PCDHA1: variants seen among roughly 807,000 people sequenced by gnomAD.
PCDHA1 encodes the protein protocadherin alpha 1.
Under a neutral mutation model 61.3 loss-of-function variants are expected in PCDHA1, and 42 were observed. That is an observed-to-expected ratio of 0.69 (90% CI 0.54 to 0.89). The LOEUF (loss-of-function observed/expected upper bound fraction) is 0.89, where lower values mean the gene tolerates loss of function less well. Among genes scored for constraint, PCDHA1 ranks in the 40% least tolerant of loss-of-function variants. The probability of loss-of-function intolerance (pLI) is 0.00; values close to 1 mark genes in which losing one functional copy is unlikely to be tolerated. For missense variants in PCDHA1, 1,256 were observed against 1,235.3 expected (o/e 1.02, Z -0.25); for synonymous variants, 610 against 553.8 (o/e 1.10, Z -1.43).
At chr5:140,995,592 A>G (rs2097690478) in intron 3 of PCDHA1, among the ~76,000 whole-genome samples, 1 of 152,212 alleles carries the variant, frequency 6.6e-6, no homozygotes, top group East Asian at 1.9e-4. Context: ...CTTTTAACTT[A>G]GTGTTTTTCT....
rs143527239 is a variant in PCDHA1, at chr5:140,842,140, C to G, written c.2394+53456C>G. The G allele has an allele frequency of 5.6e-4, 901 of 1,613,016 alleles. 21 individuals are homozygous for G. Among genetic ancestry groups the G allele is most frequent in the Admixed American group, 4.6e-3 (273 of 59,984 alleles). On this transcript the variant is annotated intron_variant, in intron 1 of 3. Coordinates refer to ENST00000504120, the MANE Select transcript of PCDHA1 (RefSeq NM_018900.4). ...ATGCTTCTGATCCGGATGAAGGAGC[C>G]AATGGGGCAATTTCATATTCTTTTA...
chr5:140,850,195 C>A, intron 1 of PCDHA1: 1 of 1,593,610 alleles, frequency 6.3e-7, no homozygotes, highest in South Asian at 1.1e-5. Context: ...GCGCTGCTGA[C>A]ACCTCGGATG....
At chr5:140,868,961 A>G in intron 1 of PCDHA1, 1 of 1,418,552 alleles carries the variant, frequency 7.0e-7, no homozygotes, top group Non-Finnish European at 9.5e-7. Context: ...ACTCCCATAC[A>G]AAGGAACTCC....
At position 140,830,572 on chromosome 5, in the gene PCDHA1, T is replaced by C. The variant is rs1012149476; in HGVS notation, c.2394+41888T>C. 7 of 871,722 alleles carry C rather than the reference T, an allele frequency of 8.0e-6. No individual in the cohort carries two copies. In the African/African-American group the frequency reaches 1.2e-4, roughly 15 times the overall value. 54.0% of individuals were successfully genotyped at this position (871,722 alleles called of 1,614,324 possible). On this transcript the variant is annotated intron_variant, in intron 1 of 3. Coordinates refer to ENST00000504120, the MANE Select transcript of PCDHA1 (RefSeq NM_018900.4). The stretch of plus-strand genomic sequence containing the variant: ...TATTTGTCTTCTATATTTCTGTTTT[T>C]AATTTTTAATTAATTTTACAAAATT...
chr5:140,903,192 G>A (rs2070083529), intron 1 of PCDHA1, among the ~76,000 whole-genome samples: 1 of 152,160 alleles, frequency 6.6e-6, no homozygotes, highest in South Asian at 2.1e-4. Flanking sequence ...GTATAAAAGA[G>A]TGTCCTTTTC....
intron 1 of PCDHA1, among the ~76,000 whole-genome samples, chr5:140,799,450 T>G (rs1282139670): frequency 6.6e-6 from 1 of 152,088 alleles, no homozygotes; most frequent in African/African-American, 2.4e-5. Flanking sequence ...AGCAAAGTGG[T>G]AACTGGAATA....
chr5:140,843,457 G>A, intron 1 of PCDHA1: 1 of 1,596,058 alleles, frequency 6.3e-7, no homozygotes, highest in South Asian at 1.1e-5. Flanking sequence ...GCCTGCTGGT[G>A]CTCACGCTGC....
rs2150110682 is a variant in PCDHA1 at position 140,821,788 on chromosome 5, C to T, written c.2394+33104C>T. The T allele has an allele frequency of 1.2e-5, 19 of 1,611,448 alleles. No individual in the cohort carries two copies. Among genetic ancestry groups the T allele is most frequent in the Admixed American group, 1.7e-5 (1 of 59,848 alleles). ...GAACGAGATTGAGATGGTATATTCC[C>T]GGAGAGGAAGTCTGGGATCCCGGCT... On this transcript the variant is annotated intron_variant, in intron 1 of 3. Coordinates refer to ENST00000504120, the MANE Select transcript of PCDHA1 (RefSeq NM_018900.4).
intron 1 of PCDHA1, chr5:140,882,794 G>C: frequency 6.2e-7 from 1 of 1,614,188 alleles, no homozygotes; most frequent in Non-Finnish European, 8.5e-7. Context: ...GGATCCCAAC[G>C]ATTATTTCAC....
At chr5:140,893,880 G>T (rs1426434148) in intron 1 of PCDHA1, among the ~76,000 whole-genome samples, 1 of 152,090 alleles carries the variant, frequency 6.6e-6, no homozygotes, top group African/African-American at 2.4e-5. Flanking sequence ...ATCCAAAGTG[G>T]CCAGAAAGTT....
intron 1 of PCDHA1, among the ~76,000 whole-genome samples, chr5:140,789,503 C>A (rs1300435612): frequency 2.0e-5 from 3 of 151,864 alleles, no homozygotes; most frequent in East Asian, 3.8e-4. Context: ...CAAAAAACAC[C>A]ATTTATTGGG....
intron 1 of PCDHA1, chr5:140,795,812 G>A (rs782218525): frequency 6.2e-7 from 1 of 1,613,794 alleles, no homozygotes; most frequent in South Asian, 1.1e-5. Flanking sequence ...TCACTCGGTA[G>A]TGATGTGTCC....
chr5:140,924,926 T>A (rs1554202369), intron 1 of PCDHA1, among the ~76,000 whole-genome samples: 1 of 119,426 alleles, frequency 8.4e-6, no homozygotes, highest in African/African-American at 3.1e-5. Flanking sequence ...TAAAATAAAA[T>A]AAAATAAAAT....
chr5:140,857,319 T>A, intron 1 of PCDHA1: 3 of 1,598,650 alleles, frequency 1.9e-6, no homozygotes, highest in Non-Finnish European at 2.6e-6. Flanking sequence ...GAGCTGGTGG[T>A]GACCGCGCGG....
intron 1 of PCDHA1, among the ~76,000 whole-genome samples, chr5:140,897,105 C>T (rs981189512): frequency 3.3e-5 from 5 of 152,062 alleles, no homozygotes; most frequent in South Asian, 2.1e-4. Flanking sequence ...TAAAAATCTC[C>T]ACTTTCTGTC....
At chr5:140,881,361 C>T (rs990387338) in intron 1 of PCDHA1, 4 of 985,122 alleles carry the variant, frequency 4.1e-6, no homozygotes, top group Non-Finnish European at 2.4e-6. Context: ...GCGTGGCTTT[C>T]GTATGAATTG....
intron 1 of PCDHA1, among the ~76,000 whole-genome samples, chr5:140,874,443 C>G (rs1554167205): frequency 6.6e-6 from 1 of 152,208 alleles, no homozygotes; most frequent in Non-Finnish European, 1.5e-5. Context: ...GTCCTAACTA[C>G]TAAATGACCT....
intron 1 of PCDHA1, among the ~76,000 whole-genome samples, chr5:140,894,258 G>T (rs2153446538): frequency 6.6e-6 from 1 of 151,918 alleles, no homozygotes; most frequent in South Asian, 2.1e-4. Flanking sequence ...TTCTTTACAA[G>T]TGGTAGCTTA....
In PCDHA1 at chr5:140,870,004, G is replaced by T. The variant is rs374513388; in HGVS notation, c.2394+81320G>T. 129 of 1,613,494 alleles carry T rather than the reference G, an allele frequency of 8.0e-5. No homozygotes were observed. Among genetic ancestry groups the T allele is most frequent in the Non-Finnish European group, 1.1e-4 (126 of 1,179,842 alleles). The stretch of plus-strand genomic sequence containing the variant: ...TACACTAGATCAAAATAATGGAGAA[G>T]TGAGGGTCAATGGAACTTTAGATTA... On this transcript the variant is annotated intron_variant, in intron 1 of 3. Coordinates refer to ENST00000504120, the MANE Select transcript of PCDHA1 (RefSeq NM_018900.4).
Sources: allele counts gnomAD v4.1 joint callset (sites outside exome capture counted in the v4.1 genomes callset), GRCh38; gene constraint gnomAD v4.1.1; transcripts MANE v1.5; gene names NCBI Gene and HGNC (gene_info 2026-07-23, HGNC 2026-07-21).